LAMA5: variants seen among roughly 807,000 people sequenced by gnomAD.
LAMA5 encodes the protein laminin subunit alpha-5.
In LAMA5, 260 loss-of-function variants were observed where a neutral mutation model predicts 433.4. The ratio of observed to expected loss-of-function variants is 0.60; its 90% CI spans 0.54 to 0.66. The LOEUF is 0.66. LAMA5 is among the 30% of genes least tolerant of loss of function. The probability of loss-of-function intolerance (pLI) is 0.00; values close to 1 mark genes in which losing one functional copy is unlikely to be tolerated. For synonymous variants in LAMA5, 2,620 were observed against 2,226.6 expected (o/e 1.18, Z -4.97); for missense variants, 5,378 against 5,258.5 (o/e 1.02, Z -0.70).
intron 1 of LAMA5, among the ~76,000 whole-genome samples, chr20:62,364,153 C>T (rs189094514): frequency 2.6e-5 from 4 of 152,328 alleles, no homozygotes; most frequent in East Asian, 3.9e-4. Flanking sequence ...CCCAGTTAAG[C>T]GCCACGACCC....
rs762191283 is a variant in LAMA5, at chr20:62,311,027, T to A, written c.10156A>T (p.Arg3386Trp). Residue 3386 changes from arginine to tryptophan, a missense_variant, in exon 74 of 80, where the codon AGG (arginine) becomes TGG (tryptophan). Arg to Trp is a moderately radical substitution (Grantham distance 101). Transcript: ENST00000252999. The part of the protein sequence containing the change: ...RGLLLFTARL[R>W]PGSPSLALFL... ...AGCGCCAGGGAGGGGCTGCCGGGCC[T>A]CAGACGGGCAGTGAAGAGGAGGAGG... 3 of 1,609,392 alleles carry A rather than the reference T, an allele frequency of 1.9e-6. No individual in the cohort carries two copies. The highest frequency in any genetic ancestry group is 2.5e-6 in the Non-Finnish European group (3 of 1,178,314).
In LAMA5 at chr20:62,311,173, T is replaced by G. The variant is rs1448582415; in HGVS notation, c.10077A>C (p.Arg3359=). The G allele has an allele frequency of 6.3e-7, 1 of 1,597,842 alleles. No individual in the cohort carries two copies. The change falls in exon 73 of 80, where the codon CGA becomes CGC. Residue 3359 remains arginine, a synonymous_variant. Coordinates refer to ENST00000252999, the MANE Select transcript of LAMA5 (RefSeq NM_005560.6). ...SHLEFVGILA[R]HRNWPSLSMH... ...GGGCCTGGCCTTACCAGTTCCTATG[T>G]CGGGCCAGGATGCCCACAAACTCCA...
At position 62,315,307 on chromosome 20, in the gene LAMA5, C is replaced by A. The variant is rs553065403; in HGVS notation, c.7868-100G>T. 1.3e-5 allele frequency: 14 copies of A among 1,039,098 alleles called. No individual in the cohort carries two copies. In the East Asian group the frequency reaches 3.6e-4, roughly 27 times the overall value. 64.4% of individuals were successfully genotyped at this position (1,039,098 alleles called of 1,614,324 possible). On this transcript the variant is annotated intron_variant, in intron 58 of 79. Transcript: ENST00000252999. ...TTGGGCCAGCAACAGGGACATCCAA[C>A]CCCCTATGGATCGTGTGAGACCCTC...
At chr20:62,335,771 C>A (rs1433148751) in intron 18 of LAMA5, among the ~76,000 whole-genome samples, 4 of 145,914 alleles carry the variant, frequency 2.7e-5, no homozygotes, top group African/African-American at 1.0e-4. Flanking sequence ...CTCCAGGGCA[C>A]ACTCATGGAC....
rs772258357 is a variant in LAMA5, at chr20:62,346,601, G to A, written c.1192-5C>T. ...GTTGACGCCGGTGGTGTGGTGCTGG[G>A]AGTGCAATGGCCGTTGAGTCTGGGG... is the stretch of plus-strand genomic sequence containing the variant. On this transcript the variant is annotated splice_region_variant and splice_polypyrimidine_tract_variant and intron_variant, in intron 8 of 79. Transcript: ENST00000252999. 12 of 1,607,390 alleles carry A rather than the reference G, an allele frequency of 7.5e-6. No individual in the cohort carries two copies. Among genetic ancestry groups the A allele is most frequent in the Non-Finnish European group, 1.0e-5 (12 of 1,177,212 alleles).
At chr20:62,311,887 C>T in intron 70 of LAMA5, 33 bp downstream of exon 70, 2 of 1,591,380 alleles carry the variant, frequency 1.3e-6, no homozygotes. Flanking sequence ...TCCCTCCAGA[C>T]CTTCACGATG....
Position 62,367,041 on chromosome 20 carries a change from G to T in LAMA5, c.205C>A (p.Pro69Thr). 1 of 1,266,212 alleles carries T rather than the reference G, an allele frequency of 7.9e-7. No homozygotes were observed. The highest frequency in any genetic ancestry group is 9.9e-7 in the Non-Finnish European group (1 of 1,008,704). 78.4% of individuals were successfully genotyped at this position (1,266,212 alleles called of 1,614,324 possible). The change falls in exon 1 of 80, where the codon CCG becomes ACG. Residue 69 changes from proline to threonine, a missense_variant. Coordinates refer to ENST00000252999, the MANE Select transcript of LAMA5 (RefSeq NM_005560.6). The part of the protein sequence containing the change: ...AASATCGEEA[P>T]ARGSPRPTED... Reference sequence around the variant, plus strand: ...GTGGGGCGCGGGGAGCCGCGCGCCGGGGCCTCCTCTCCGCAGGTCGCGGAG... The same window carrying T: ...GTGGGGCGCGGGGAGCCGCGCGCCGTGGCCTCCTCTCCGCAGGTCGCGGAG...
intron 31 of LAMA5, 110 bp from the exon 32 acceptor site, chr20:62,330,026 C>T (rs962730897): frequency 2.4e-5 from 34 of 1,428,592 alleles, no homozygotes; most frequent in African/African-American, 1.8e-4. Flanking sequence ...CGCTGGCCAA[C>T]GGCCACAGGC....
In LAMA5 at chr20:62,359,960, C is replaced by T. The variant is rs1985784877; in HGVS notation, c.450+2440G>A. Among the ~76,000 whole-genome samples, 1 of 150,880 alleles carries T rather than the reference C, an allele frequency of 6.6e-6. No homozygotes were observed. Among genetic ancestry groups the T allele is most frequent in the Non-Finnish European group, 1.5e-5 (1 of 67,548 alleles). ...CGCCCCCACCCCCGTCCCAGGGCAT[C>T]CGCTCCAGATCCCAGAACAAAGGCT... On this transcript the variant is annotated intron_variant, in intron 2 of 79. Coordinates refer to ENST00000252999, the MANE Select transcript of LAMA5 (RefSeq NM_005560.6). This position sits in a 1 kb window ranked among gnomAD's most constrained non-coding sequence, Gnocchi z 4.3.
intron 6 of LAMA5, among the ~76,000 whole-genome samples, chr20:62,350,763 C>A (rs1207808162): frequency 6.6e-6 from 1 of 152,198 alleles, no homozygotes; most frequent in Non-Finnish European, 1.5e-5. Context: ...ACCCTCCGGG[C>A]ACCACGCTGA....
Position 62,332,632 on chromosome 20 carries a change from T to C in LAMA5, c.3368A>G (p.Glu1123Gly). The change falls in exon 27 of 80, where the codon GAG becomes GGG. Residue 1123 changes from glutamate (E) to glycine (G), a missense_variant. Glu to Gly is a moderately conservative substitution (Grantham distance 98, BLOSUM62 -2). Transcript: ENST00000252999. ...VEYANEDARQ[E>G]VGVAVHTPQR... ...TGGGGTGTGCACGGCCACGCCCACC[T>C]CCTGGCGGGCATCCTCATTGGCGTA... 1 of 1,607,050 alleles carries C rather than the reference T, an allele frequency of 6.2e-7. No homozygotes were observed. Among genetic ancestry groups the C allele is most frequent in the Non-Finnish European group, 8.5e-7 (1 of 1,177,230 alleles).
rs1979147508 is a variant in LAMA5, at chr20:62,325,555, C to G, written c.5299-9G>C. The G allele has an allele frequency of 6.3e-7, 1 of 1,583,828 alleles. No homozygotes were observed. Among genetic ancestry groups the G allele is most frequent in the South Asian group, 1.1e-5 (1 of 88,450 alleles). On this transcript the variant is annotated splice_polypyrimidine_tract_variant and intron_variant, in intron 40 of 79. Transcript: ENST00000252999. ...GTATGCCGGAAGTTCCCCTGTGGGT[C>G]CAGGATGGCACCTCAGTGGGGCCAC...
At chr20:62,351,551 C>T (rs905071891) in intron 6 of LAMA5, among the ~76,000 whole-genome samples, 153 bp downstream of exon 6, 6 of 146,122 alleles carry the variant, frequency 4.1e-5, no homozygotes, top group Admixed American at 2.7e-4. Context: ...GAGGCACACA[C>T]GGCGGTGGTC....
chr20:62,331,715 C>T (rs1251664681), intron 28 of LAMA5, among the ~76,000 whole-genome samples: 3 of 152,210 alleles, frequency 2.0e-5, no homozygotes, highest in Non-Finnish European at 2.9e-5. Flanking sequence ...GCTGACACAA[C>T]GGTGGGAGAC....
chr20:62,362,486 C>T lies in LAMA5; in HGVS notation c.364G>A (p.Asp122Asn). 6.2e-7 allele frequency: 1 copy of T among 1,605,482 alleles called. No individual in the cohort carries two copies. The highest frequency in any genetic ancestry group is 8.5e-7 in the Non-Finnish European group (1 of 1,175,688). Residue 122 changes from aspartate (D) to asparagine (N), a missense_variant, in exon 2 of 80, where the codon GAT becomes AAT. Physicochemically the swap from Asp to Asn is conservative, Grantham distance 23. Coordinates refer to ENST00000252999, the MANE Select transcript of LAMA5 (RefSeq NM_005560.6). The part of the protein sequence containing the change: ...NKAHPASNAI[D>N]GTERWWQSPP... ...CTCTGCCACCAGCGCTCCGTGCCAT[C>T]GATGGCATTGCTCGCGGGGTGTGCC...
At chr20:62,313,066 A>G (rs767452734) in intron 65 of LAMA5, 22 bp downstream of exon 65, 3 of 1,606,370 alleles carry the variant, frequency 1.9e-6, no homozygotes, top group Admixed American at 1.7e-5. Context: ...TGGGGATGGC[A>G]GGACGGGTGT....
chr20:62,331,713 A>G (rs1454273037), intron 28 of LAMA5, among the ~76,000 whole-genome samples: 2 of 152,232 alleles, frequency 1.3e-5, no homozygotes, highest in African/African-American at 2.4e-5. Flanking sequence ...CCGCTGACAC[A>G]ACGGTGGGAG....
chr20:62,320,841 G>T lies in LAMA5; in HGVS notation c.6546C>A (p.Gly2182=). The T allele has an allele frequency of 6.2e-7, 1 of 1,612,452 alleles. No individual in the cohort carries two copies. Residue 2182 remains glycine, a synonymous_variant, in exon 49 of 80, where the codon GGC becomes GGA. Coordinates refer to ENST00000252999, the MANE Select transcript of LAMA5 (RefSeq NM_005560.6). ...GCTCGTGAATGGCGGGGAGGAGGGC[G>T]CCGGCCCGTTCCAGGTCATCCAGGA... is the stretch of plus-strand genomic sequence containing the variant. The part of the protein sequence containing the change: ...VLLLDDLERA[G]ALLPAIHEQL...
At chr20:62,363,683 T>C (rs1213754641) in intron 1 of LAMA5, among the ~76,000 whole-genome samples, 1 of 151,870 alleles carries the variant, frequency 6.6e-6, no homozygotes, top group African/African-American at 2.4e-5. Flanking sequence ...CAATCTGAGT[T>C]TGAGAAAGTC....
Sources: gnomAD v4.1 joint callset for allele counts (sites outside exome capture counted in the v4.1 genomes callset) on GRCh38, gnomAD v4.1.1 for gene constraint, Gnocchi (gnomAD v3.1) non-coding constraint, MANE v1.5 for transcripts, NCBI Gene and HGNC (gene_info 2026-07-23, HGNC 2026-07-21) for gene names.